Variants in GAREM1 observed in about 807,000 individuals in gnomAD.
The protein encoded by GAREM1 is GRB2 associated regulator of MAPK1 subtype 1.
In GAREM1, 26 loss-of-function variants were observed where a neutral mutation model predicts 71.3. The ratio of observed to expected loss-of-function variants is 0.36; its 90% CI spans 0.27 to 0.51. The LOEUF is 0.51. Among genes scored for constraint, GAREM1 ranks in the 20% least tolerant of loss-of-function variants. The pLI is 0.95. For missense variants in GAREM1, 1,026 were observed against 1,103.1 expected (o/e 0.93, Z 0.99); for synonymous variants, 440 against 433.2 (o/e 1.02, Z -0.20).
chr18:32,435,113 C>T (rs2048662439), intron 1 of GAREM1, among the ~76,000 whole-genome samples: 1 of 152,040 alleles, frequency 6.6e-6, no homozygotes, highest in South Asian at 2.1e-4. Flanking sequence ...GAATGTCATT[C>T]TACAAAATAA....
At chr18:32,433,203 C>T (rs1225642259) in intron 1 of GAREM1, among the ~76,000 whole-genome samples, 4 of 146,876 alleles carry the variant, frequency 2.7e-5, no homozygotes, top group Admixed American at 2.7e-4. Flanking sequence ...GTAGAAAAAA[C>T]ATATCACACA....
chr18:32,368,031 C>T (rs891920687), intron 2 of GAREM1, among the ~76,000 whole-genome samples: 23 of 145,744 alleles, frequency 1.6e-4, no homozygotes, highest in Middle Eastern at 3.2e-3. Flanking sequence ...TCCGTGCTTA[C>T]CCCCCTTTCT....
chr18:32,298,221 A>G (rs1268957719), intron 3 of GAREM1, among the ~76,000 whole-genome samples: 1 of 152,188 alleles, frequency 6.6e-6, no homozygotes, highest in Non-Finnish European at 1.5e-5. Context: ...TCCAACTCTG[A>G]AGTCATTATT....
At chr18:32,438,971 C>T (rs948282875) in intron 1 of GAREM1, among the ~76,000 whole-genome samples, 2 of 152,156 alleles carry the variant, frequency 1.3e-5, no homozygotes, top group African/African-American at 4.8e-5. Flanking sequence ...AACAGTGGCT[C>T]ATTTCAGTAA....
chr18:32,357,862 A>G (rs1224257862), intron 2 of GAREM1, among the ~76,000 whole-genome samples: 1 of 152,218 alleles, frequency 6.6e-6, no homozygotes, highest in Non-Finnish European at 1.5e-5. Flanking sequence ...ATAACTTAAG[A>G]AAAACAGCAG....
At chr18:32,409,291 CTTCTT>C (rs1396013828) in intron 1 of GAREM1, among the ~76,000 whole-genome samples, 1 of 152,142 alleles carries the variant, frequency 6.6e-6, no homozygotes, top group Non-Finnish European at 1.5e-5. Context: ...AGAAAAAGAA[CTTCTT>C]TTCAAGTATT....
At chr18:32,274,432 A>G (rs1418202835) in intron 4 of GAREM1, among the ~76,000 whole-genome samples, 1 of 152,120 alleles carries the variant, frequency 6.6e-6, no homozygotes, top group East Asian at 1.9e-4. Flanking sequence ...TTCATATTCA[A>G]TTTAGCTTTT....
intron 3 of GAREM1, among the ~76,000 whole-genome samples, chr18:32,296,504 G>C (rs2144490783): frequency 6.6e-6 from 1 of 152,212 alleles, no homozygotes; most frequent in South Asian, 2.1e-4. Context: ...ATACCACACT[G>C]CCTCTGGTCC....
At chr18:32,337,394 G>C (rs1288682011) in intron 2 of GAREM1, among the ~76,000 whole-genome samples, 2 of 152,216 alleles carry the variant, frequency 1.3e-5, no homozygotes, top group Non-Finnish European at 2.9e-5. Context: ...ATGTACGTAA[G>C]TGGGGTGAGT....
At chr18:32,454,845 T>A (rs527238551) in intron 1 of GAREM1, among the ~76,000 whole-genome samples, 1 of 152,250 alleles carries the variant, frequency 6.6e-6, no homozygotes, top group African/African-American at 2.4e-5. Context: ...GGCTGAAGTA[T>A]CCCAACAACT....
chr18:32,327,604 T>C (rs2047486354), intron 2 of GAREM1, among the ~76,000 whole-genome samples: 1 of 152,184 alleles, frequency 6.6e-6, no homozygotes, highest in Non-Finnish European at 1.5e-5. Context: ...TAGGATTATG[T>C]TTACAATTTT....
At chr18:32,268,863 G>T (rs1464772252) in intron 5 of GAREM1, 95 bp from the exon 6 acceptor site, 1 of 1,026,542 alleles carries the variant, frequency 9.7e-7, no homozygotes, top group Admixed American at 2.5e-5. Context: ...GAGTAGAAAA[G>T]CGCAGTTAGT....
At chr18:32,373,088 T>A (rs1189854884) in intron 2 of GAREM1, among the ~76,000 whole-genome samples, 1 of 152,186 alleles carries the variant, frequency 6.6e-6, no homozygotes, top group Non-Finnish European at 1.5e-5. Context: ...AATAGAAGAT[T>A]TACAAGTATT....
rs566709166 is a variant in GAREM1 at position 32,301,900 on chromosome 18, A to G, written c.393+8293T>C. On this transcript the variant is annotated intron_variant, in intron 3 of 5. Transcript: ENST00000269209. ...ATACTTTACTATTAATAAGATATAA[A>G]AAGGTACATGTATAACATTCATAAA... is the stretch of plus-strand genomic sequence containing the variant. Among the ~76,000 whole-genome samples, 88 of 152,346 alleles carry G rather than the reference A, an allele frequency of 5.8e-4. 1 individual carries two copies. In the South Asian group the frequency reaches 0.018, roughly 31 times the overall value.
At chr18:32,285,731 GTCATTGC>G (rs2047008119) in intron 4 of GAREM1, among the ~76,000 whole-genome samples, 1 of 152,202 alleles carries the variant, frequency 6.6e-6, no homozygotes, top group African/African-American at 2.4e-5. Flanking sequence ...TGTATTAACA[GTCATTGC>G]TTTTCATCTG....
chr18:32,468,960 T>TCCCCCCCCCCCCCCCCCCCCC (rs34977174), intron 1 of GAREM1, among the ~76,000 whole-genome samples: 16 of 82,162 alleles, frequency 1.9e-4, no homozygotes, highest in African/African-American at 2.9e-4. Flanking sequence ...CACCTGTGCG[T>TCCCCCCCCCCCCCCCCCCCCC]CCCCCCCCCC....
At chr18:32,417,973 C>T (rs112604331) in intron 1 of GAREM1, among the ~76,000 whole-genome samples, 54 of 152,214 alleles carry the variant, frequency 3.5e-4, no homozygotes, top group Middle Eastern at 3.4e-3. Flanking sequence ...CAAAATATCT[C>T]ATGTAGCCTA....
At chr18:32,408,381 T>TAA (rs1288627970) in intron 1 of GAREM1, among the ~76,000 whole-genome samples, 3 of 152,190 alleles carry the variant, frequency 2.0e-5, no homozygotes, top group Non-Finnish European at 4.4e-5. Flanking sequence ...AAGTTATTGA[T>TAA]AAAACTAAGT....
intron 2 of GAREM1, among the ~76,000 whole-genome samples, chr18:32,370,118 T>C (rs1054847497): frequency 5.3e-5 from 8 of 152,208 alleles, no homozygotes; most frequent in Middle Eastern, 3.4e-3. Context: ...GGTTACATCA[T>C]TCATATCAAC....
Sources: allele counts gnomAD v4.1 joint callset (sites outside exome capture counted in the v4.1 genomes callset), GRCh38; gene constraint gnomAD v4.1.1; transcripts MANE v1.5; gene names NCBI Gene and HGNC (gene_info 2026-07-23, HGNC 2026-07-21).